HELZ: variants seen among roughly 807,000 people sequenced by gnomAD.
HELZ encodes the protein helicase with zinc finger.
HELZ carries 23 observed loss-of-function variants against 218.2 expected under a neutral mutation model. The ratio of observed to expected loss-of-function variants is 0.11; its 90% CI spans 0.08 to 0.15. HELZ has a LOEUF of 0.15. HELZ is among the 10% of genes least tolerant of loss of function. HELZ has a pLI of 1.00. For missense variants in HELZ, 1,813 were observed against 2,353.7 expected, an observed-to-expected ratio of 0.77 and a Z score of 4.75; for synonymous variants, 814 against 829.4, an observed-to-expected ratio of 0.98 and a Z score of 0.32.
intron 6 of HELZ, among the ~76,000 whole-genome samples, chr17:67,202,134 C>T (rs779059990): frequency 2.6e-4 from 39 of 151,960 alleles, no homozygotes; most frequent in Admixed American, 3.9e-4. Context: ...GGAATTCACA[C>T]AGCAGAGCAA....
At chr17:67,143,252 T>G (rs778532754) in intron 21 of HELZ, among the ~76,000 whole-genome samples, 5 of 152,114 alleles carry the variant, frequency 3.3e-5, no homozygotes, top group Non-Finnish European at 7.4e-5. Context: ...ACCTCTCAGA[T>G]CACACCATCT....
Position 67,114,352 on chromosome 17 carries a change from G to A in HELZ, c.3890C>T (p.Pro1297Leu). Residue 1297 changes from proline to leucine, a missense_variant, in exon 28 of 33, where the codon CCA (proline) becomes CTA (leucine). Around this residue, in one of 4 missense-constraint regions of HELZ, gnomAD observed 938 missense variants for 1,027.5 expected, o/e 0.91. Coordinates refer to ENST00000358691, the MANE Select transcript of HELZ (RefSeq NM_014877.4). The stretch of plus-strand genomic sequence containing the variant: ...TTTTGGTTCTGTTGGCTTTTTCTCT[G>A]GTGTTCGAATCTTATTAATTTCAGG... ...SGPEINKIRTPEKKPTEPKQV... is the reference protein window; with the variant it reads ...SGPEINKIRTLEKKPTEPKQV... 1 of 1,611,098 alleles carries A rather than the reference G, an allele frequency of 6.2e-7. No individual in the cohort carries two copies. Among genetic ancestry groups the A allele is most frequent in the Non-Finnish European group, 8.5e-7 (1 of 1,177,434 alleles).
chr17:67,197,310 C>G (rs2040056541), intron 7 of HELZ, among the ~76,000 whole-genome samples: 1 of 152,194 alleles, frequency 6.6e-6, no homozygotes, highest in South Asian at 2.1e-4. Flanking sequence ...TGAGCCCTCC[C>G]CAGCCACATG....
intron 31 of HELZ, among the ~76,000 whole-genome samples, chr17:67,089,666 T>TAGAG (rs1204609061): frequency 9.9e-4 from 54 of 54,822 alleles, no homozygotes; most frequent in African/African-American, 3.6e-3. Flanking sequence ...TATATATATA[T>TAGAG]ATAGAGAGAG....
At position 67,078,573 on chromosome 17, in the gene HELZ, A is replaced by C; in HGVS notation, c.5508T>G (p.Thr1836=). 1 of 1,482,556 alleles carries C rather than the reference A, an allele frequency of 6.7e-7. No individual in the cohort carries two copies. Among genetic ancestry groups the C allele is most frequent in the Non-Finnish European group, 9.0e-7 (1 of 1,116,682 alleles). 91.8% of individuals were successfully genotyped at this position (1,482,556 alleles called of 1,614,324 possible). Residue 1836 remains threonine, a synonymous_variant, in exon 33 of 33, where the codon ACT becomes ACG. Coordinates refer to ENST00000358691, the MANE Select transcript of HELZ (RefSeq NM_014877.4). ...QPRELIAPPK[T]VKPPEDQLKS... is the part of the protein sequence containing the mutation. ...TCAGTTGATCCTCAGGGGGTTTGAC[A>C]GTCTTGGGTGGCGCTAAAAGCAGAG...
chr17:67,155,146 G>C (rs186431339), intron 17 of HELZ, among the ~76,000 whole-genome samples: 541 of 152,266 alleles, frequency 3.6e-3, no homozygotes, highest in Non-Finnish European at 6.4e-3. Context: ...GTGTACAAAA[G>C]GATGTGCACC....
chr17:67,222,576 A>C (rs2040775870), intron 3 of HELZ, among the ~76,000 whole-genome samples: 1 of 152,150 alleles, frequency 6.6e-6, no homozygotes, highest in Admixed American at 6.5e-5. Context: ...TCCAAGATCT[A>C]CCTGAATCAC....
rs527249411 is a variant in HELZ at position 67,199,337 on chromosome 17, T to C, written c.429+1792A>G. ...AAGCCATTCTCCTGTCTCAGCCTCC[T>C]GAGTAGCTGGGATTACAGGCTCCTG... On this transcript the variant is annotated intron_variant, in intron 7 of 32. Transcript: ENST00000358691. 2.0e-5 allele frequency among the ~76,000 whole-genome samples: 3 copies of C among 151,562 alleles called. No individual in the cohort carries two copies. In the South Asian group the frequency reaches 6.3e-4, roughly 32 times the overall value.
intron 3 of HELZ, chr17:67,224,975 A>G (rs1461147104): frequency 2.9e-6 from 2 of 700,686 alleles, no homozygotes; most frequent in Non-Finnish European, 5.4e-6. Flanking sequence ...AATGCTGGCT[A>G]TTAAAAAGAT....
At chr17:67,203,230 A>G (rs1228841461) in intron 6 of HELZ, 89 bp downstream of exon 6, 10 of 1,376,764 alleles carry the variant, frequency 7.3e-6, no homozygotes, top group Non-Finnish European at 1.0e-5. Context: ...AAAAGAAAAA[A>G]AGATACACTT....
intron 3 of HELZ, among the ~76,000 whole-genome samples, chr17:67,234,989 C>A (rs1413862418): frequency 6.6e-6 from 1 of 152,174 alleles, no homozygotes; most frequent in Non-Finnish European, 1.5e-5. Flanking sequence ...GTATGGCCCC[C>A]TTCAATGGCA....
intron 23 of HELZ, among the ~76,000 whole-genome samples, chr17:67,130,361 T>A (rs2037940266): frequency 6.6e-6 from 1 of 152,068 alleles, no homozygotes. Context: ...AAATTAAAAA[T>A]TTTAAATGGA....
rs556080858 is a variant in HELZ at position 67,206,002 on chromosome 17, C to T, written c.248-2559G>A. Among the ~76,000 whole-genome samples, 3 of 152,198 alleles carry T rather than the reference C, an allele frequency of 2.0e-5. No individual in the cohort carries two copies. In the East Asian group the frequency reaches 5.8e-4, roughly 29 times the overall value. On this transcript the variant is annotated intron_variant, in intron 5 of 32. Coordinates refer to ENST00000358691, the MANE Select transcript of HELZ (RefSeq NM_014877.4). ...CCTCTCCTGCTACTGTATCGTATAACAAAATTAAATTGCAATGCTGCCAAT... is the reference window on the plus strand; with the variant it reads ...CCTCTCCTGCTACTGTATCGTATAATAAAATTAAATTGCAATGCTGCCAAT...
intron 15 of HELZ, 104 bp from the exon 16 acceptor site, chr17:67,161,180 T>C: frequency 1.3e-6 from 1 of 769,508 alleles, no homozygotes. Context: ...ACCACTGAAA[T>C]AGCATAGCAT....
chr17:67,098,341 T>A (rs1345953952), intron 31 of HELZ, among the ~76,000 whole-genome samples: 1 of 152,216 alleles, frequency 6.6e-6, no homozygotes, highest in Non-Finnish European at 1.5e-5. Flanking sequence ...GGGAGTTAAA[T>A]GATCTTTAAG....
intron 9 of HELZ, among the ~76,000 whole-genome samples, chr17:67,193,360 A>G (rs890869187): frequency 5.3e-5 from 8 of 151,668 alleles, no homozygotes; most frequent in East Asian, 3.9e-4. Flanking sequence ...AAAAAAAAAA[A>G]AAAGAAAAGA....
At chr17:67,236,156 A>G (rs935206544) in intron 3 of HELZ, among the ~76,000 whole-genome samples, 4 of 152,202 alleles carry the variant, frequency 2.6e-5, no homozygotes, top group Non-Finnish European at 4.4e-5. Context: ...ATAGCAACTG[A>G]TATCAACAAA....
intron 19 of HELZ, among the ~76,000 whole-genome samples, chr17:67,149,099 C>T (rs1168386281): frequency 6.6e-6 from 1 of 152,160 alleles, no homozygotes; most frequent in African/African-American, 2.4e-5. Context: ...GTAGGACATA[C>T]AGCCTACCAC....
chr17:67,230,554 G>A (rs1198822303), intron 3 of HELZ, among the ~76,000 whole-genome samples: 1 of 142,760 alleles, frequency 7.0e-6, no homozygotes, highest in Admixed American at 7.1e-5. Flanking sequence ...CTAAGATCGC[G>A]GCATTGTACT....
Sources: gnomAD v4.1 joint callset for allele counts (sites outside exome capture counted in the v4.1 genomes callset) on GRCh38, gnomAD v4.1.1 for gene constraint, gnomAD v4.1.1 regional missense constraint, MANE v1.5 for transcripts, NCBI Gene and HGNC (gene_info 2026-07-23, HGNC 2026-07-21) for gene names.